Variants in NSG1 observed in about 807,000 individuals in gnomAD.
NSG1 encodes the protein neuronal vesicle trafficking-associated protein 1.
In NSG1, 9 loss-of-function variants were observed where a neutral mutation model predicts 19.3. The ratio of observed to expected loss-of-function variants is 0.47; its 90% CI spans 0.28 to 0.81. The LOEUF is 0.81. NSG1 is among the 40% of genes least tolerant of loss of function. The probability of loss-of-function intolerance (pLI) is 0.11; values close to 1 mark genes in which losing one functional copy is unlikely to be tolerated. For missense variants in NSG1, 236 were observed against 242.4 expected, an observed-to-expected ratio of 0.97 and a Z score of 0.18; for synonymous variants, 104 against 107.0, an observed-to-expected ratio of 0.97 and a Z score of 0.17.
At chr4:4,401,689 C>T (rs564379997) in intron 3 of NSG1, among the ~76,000 whole-genome samples, 28 of 152,290 alleles carry the variant, frequency 1.8e-4, no homozygotes, top group Admixed American at 9.8e-4. Flanking sequence ...CACGTCAAAG[C>T]ACCTGAGAAT....
At chr4:4,417,190 C>T in intron 4 of NSG1, 45 bp from the exon 5 acceptor site, 1 of 1,552,542 alleles carries the variant, frequency 6.4e-7, no homozygotes, top group Non-Finnish European at 8.9e-7. Context: ...CACTGGCACC[C>T]CCTCTTGCAC....
Position 4,417,425 on chromosome 4 carries a change from A to C in NSG1, c.548A>C (p.Lys183Thr). Residue 183 changes from lysine to threonine, a missense_variant, in exon 5 of 5, where the codon AAG (lysine) becomes ACG (threonine). By Grantham distance (78) the Lys-to-Thr change is moderately conservative. Transcript: ENST00000621129. The stretch of plus-strand genomic sequence containing the variant: ...GAGCAGGAGACTGAAGCGGCTGAGA[A>C]GTCAGCTTAGCGGGATGGGCAAGTT... ...LSEQETEAAE[K>T]SA The C allele has an allele frequency of 6.2e-7, 1 of 1,614,256 alleles. No homozygotes were observed. Among genetic ancestry groups the C allele is most frequent in the Non-Finnish European group, 8.5e-7 (1 of 1,180,040 alleles).
intron 3 of NSG1, among the ~76,000 whole-genome samples, chr4:4,396,964 G>T (rs1225209567): frequency 6.6e-6 from 1 of 152,022 alleles, no homozygotes. Flanking sequence ...GGCTGTGGTT[G>T]CAGAGCCCAC....
At position 4,406,054 on chromosome 4, in the gene NSG1, G is replaced by A. The variant is rs113195848; in HGVS notation, c.247-3519G>A. ...AACCCTCTTCTTTTTTTGAGACGGA[G>A]TCTCACTCTGTTGCCCAGGCTGGAG... On this transcript the variant is annotated intron_variant, in intron 3 of 4. Transcript: ENST00000621129. 4.0e-3 allele frequency among the ~76,000 whole-genome samples: 608 copies of A among 152,250 alleles called. 2 individuals carry two copies. Among genetic ancestry groups the A allele is most frequent in the African/African-American group, 0.013 (552 of 41,570 alleles).
intron 3 of NSG1, among the ~76,000 whole-genome samples, chr4:4,396,972 C>T (rs1257405386): frequency 6.6e-6 from 1 of 151,894 alleles, no homozygotes; most frequent in Non-Finnish European, 1.5e-5. Flanking sequence ...TTGCAGAGCC[C>T]ACCTTCCCCA....
chr4:4,417,329 A>T lies in NSG1; in HGVS notation c.452A>T (p.Asn151Ile). 6.8e-6 allele frequency: 11 copies of T among 1,614,004 alleles called. No individual in the cohort carries two copies. The highest frequency in any genetic ancestry group is 9.3e-6 in the Non-Finnish European group (11 of 1,180,014). ...EKFYTVINHY[N>I]LAKQSITRSV... is the part of the protein sequence containing the mutation. ...TTTTACACAGTCATAAACCACTACAACCTGGCCAAGCAGAGCATCACGCGC... is the reference window on the plus strand; with the variant it reads ...TTTTACACAGTCATAAACCACTACATCCTGGCCAAGCAGAGCATCACGCGC... The change falls in exon 5 of 5, where the codon AAC (asparagine) becomes ATC (isoleucine). Residue 151 changes from asparagine (N) to isoleucine (I), a missense_variant. Physicochemically the swap from Asn to Ile is moderately radical, Grantham distance 149. Transcript: ENST00000621129.
intron 3 of NSG1, among the ~76,000 whole-genome samples, chr4:4,403,643 G>C (rs567584237): frequency 6.6e-6 from 1 of 152,234 alleles, no homozygotes; most frequent in East Asian, 1.9e-4. Context: ...ATACATTTCC[G>C]GGAGTAGGAC....
In NSG1 at chr4:4,418,320, C is replaced by CTGGG. The variant is rs1724702259; in HGVS notation, c.*890_*893dup. The CTGGG allele has an allele frequency of 6.6e-6, 1 of 151,356 alleles. No homozygotes were observed. Among genetic ancestry groups the CTGGG allele is most frequent in the African/African-American group, 2.4e-5 (1 of 41,118 alleles). The allele number at this position is 151,356 out of a possible 1,614,324, so 9.4% of individuals were successfully genotyped here. A position where few individuals can be genotyped will look rare whatever the true frequency, so the allele number is the denominator to read the frequency against. ...CCCCATTAGTTTTTAAAGAAATGAG[C>CTGGG]TGGGTGGGAAAAGTGGAAATGTAAT... On this transcript the variant is annotated 3_prime_UTR_variant, in exon 5 of 5. Transcript: ENST00000621129.
At chr4:4,416,262 G>C in intron 4 of NSG1, 2 of 700,602 alleles carry the variant, frequency 2.9e-6, no homozygotes, top group Admixed American at 4.0e-5. Flanking sequence ...CCTCCTGCCA[G>C]TGGCAGCCCC....
chr4:4,409,504 T>G, intron 3 of NSG1, 69 bp from the exon 4 acceptor site: 1 of 1,142,590 alleles, frequency 8.8e-7, no homozygotes, highest in Non-Finnish European at 1.3e-6. Context: ...GGGGCCTTCG[T>G]GTGCGGGTGT....
chr4:4,407,233 C>T (rs910148926), intron 3 of NSG1, among the ~76,000 whole-genome samples: 3 of 152,052 alleles, frequency 2.0e-5, no homozygotes, highest in Admixed American at 6.5e-5. Context: ...AGGCGGGAGA[C>T]GTGACTGAGG....
chr4:4,410,562 T>C (rs1303113428), intron 4 of NSG1, among the ~76,000 whole-genome samples: 1 of 152,150 alleles, frequency 6.6e-6, no homozygotes, highest in East Asian at 1.9e-4. Context: ...TGTAGGCAGT[T>C]GTCACACGAT....
chr4:4,398,495 G>GA (rs1723387952), intron 3 of NSG1, among the ~76,000 whole-genome samples: 1 of 151,982 alleles, frequency 6.6e-6, no homozygotes, highest in South Asian at 2.1e-4. Flanking sequence ...GTGTCCCTGT[G>GA]ACTTACCTAT....
chr4:4,394,765 G>A (rs1173029361), intron 3 of NSG1, among the ~76,000 whole-genome samples: 1 of 152,256 alleles, frequency 6.6e-6, no homozygotes, highest in Non-Finnish European at 1.5e-5. Flanking sequence ...TAATTGTGCT[G>A]CTGGCCTCCC....
rs1007228762 is a variant in NSG1, at chr4:4,418,677, G to A, written c.*1242G>A. Reference sequence around the variant, plus strand: ...TCAGTTTTTTAGATCAGAAATAAACGACAAATAGTGTGAGATGTGTTGTGA... The same window carrying A: ...TCAGTTTTTTAGATCAGAAATAAACAACAAATAGTGTGAGATGTGTTGTGA... On this transcript the variant is annotated 3_prime_UTR_variant, in exon 5 of 5. Transcript: ENST00000621129. 1 of 152,640 alleles carries A rather than the reference G, an allele frequency of 6.6e-6. No homozygotes were observed. Among genetic ancestry groups the A allele is most frequent in the African/African-American group, 2.4e-5 (1 of 41,452 alleles). 9.5% of individuals were successfully genotyped at this position (152,640 alleles called of 1,614,324 possible). A position where few individuals can be genotyped will look rare whatever the true frequency, so the allele number is the denominator to read the frequency against.
intron 3 of NSG1, among the ~76,000 whole-genome samples, chr4:4,407,600 G>A (rs886862622): frequency 1.3e-5 from 2 of 152,182 alleles, no homozygotes; most frequent in African/African-American, 4.8e-5. Context: ...CATTCAGCTG[G>A]TCCTGTGGCC....
At chr4:4,396,101 C>G (rs369279399) in intron 3 of NSG1, among the ~76,000 whole-genome samples, 1 of 152,164 alleles carries the variant, frequency 6.6e-6, no homozygotes. Context: ...GGAAAGCAGT[C>G]GCTTAATTAA....
intron 4 of NSG1, 148 bp from the exon 5 acceptor site, chr4:4,417,087 G>C: frequency 1.5e-6 from 1 of 673,014 alleles, no homozygotes; most frequent in Non-Finnish European, 2.7e-6. Context: ...GCTCTCTCAG[G>C]GCAAGATCCA....
intron 4 of NSG1, 90 bp from the exon 5 acceptor site, chr4:4,417,145 G>A: frequency 9.4e-7 from 1 of 1,060,988 alleles, no homozygotes; most frequent in East Asian, 2.4e-5. Context: ...GCTCAGGGAA[G>A]GTGCTCAGTA....
Sources: allele counts gnomAD v4.1 joint callset (sites outside exome capture counted in the v4.1 genomes callset), GRCh38; gene constraint gnomAD v4.1.1; transcripts MANE v1.5; gene names NCBI Gene and HGNC (gene_info 2026-07-23, HGNC 2026-07-21).